The following MYO3B variants were observed in gnomAD, a reference collection of about 807,000 sequenced individuals.
MYO3B encodes the protein myosin-IIIb.
Under a neutral mutation model 174.6 loss-of-function variants are expected in MYO3B, and 156 were observed. The ratio of observed to expected loss-of-function variants is 0.89; its 90% CI spans 0.78 to 1.02. The LOEUF (loss-of-function observed/expected upper bound fraction) is 1.02, where lower values mean the gene tolerates loss of function less well. Ranked by LOEUF, MYO3B falls within the 50% of genes least tolerant of loss-of-function variation. The probability of loss-of-function intolerance (pLI) is 0.00; values close to 1 mark genes in which losing one functional copy is unlikely to be tolerated. For synonymous variants in MYO3B, 563 were observed against 569.1 expected (o/e 0.99, Z 0.15); for missense variants, 1,632 against 1,639.4 (o/e 1.00, Z 0.08).
In MYO3B at chr2:170,245,773, A is replaced by G. The variant is rs1574647881; in HGVS notation, c.749+9637A>G. Among the ~76,000 whole-genome samples the G allele has an allele frequency of 2.6e-5, 4 of 152,362 alleles. 1 individual carries two copies. Among genetic ancestry groups the G allele is most frequent in the Admixed American group, 2.6e-4 (4 of 15,306 alleles). ...CTGCAGGGCTGGGGCCACTCACTGCAGCAGCAAGTCTCACCCAGGACAGGG... is the reference window on the plus strand; with the variant it reads ...CTGCAGGGCTGGGGCCACTCACTGCGGCAGCAAGTCTCACCCAGGACAGGG... On this transcript the variant is annotated intron_variant, in intron 7 of 34. Coordinates refer to ENST00000408978, the MANE Select transcript of MYO3B (RefSeq NM_138995.5).
At chr2:170,291,713 G>GGTTT (rs111289815) in intron 7 of MYO3B, among the ~76,000 whole-genome samples, 1 of 150,056 alleles carries the variant, frequency 6.7e-6, no homozygotes, top group African/African-American at 2.4e-5. Flanking sequence ...TGGATGACAG[G>GGTTT]TTTTTTTTAT....
intron 22 of MYO3B, among the ~76,000 whole-genome samples, chr2:170,424,008 G>A (rs1399633152): frequency 3.3e-5 from 5 of 152,194 alleles, no homozygotes; most frequent in Admixed American, 2.0e-4. Flanking sequence ...GTGTTAAGAG[G>A]TGTGAGCTGA....
chr2:170,188,902 T>A (rs1051902945), intron 1 of MYO3B, among the ~76,000 whole-genome samples: 13 of 152,194 alleles, frequency 8.5e-5, no homozygotes, highest in African/African-American at 3.1e-4. Context: ...ATTAGTGTTA[T>A]AATATTCTGT....
chr2:170,252,174 AC>A (rs1312009375), intron 7 of MYO3B, among the ~76,000 whole-genome samples: 1 of 152,080 alleles, frequency 6.6e-6, no homozygotes, highest in East Asian at 1.9e-4. Flanking sequence ...TGCTGGCTCC[AC>A]CCTTCACCCC....
In MYO3B at chr2:170,535,223, C is replaced by T. The variant is rs551883975; in HGVS notation, c.3576-7683C>T. On this transcript the variant is annotated intron_variant, in intron 30 of 34. Transcript: ENST00000408978. Reference sequence around the variant, plus strand: ...AGTAGGAGACAAATTTAAAGGTGCTCGGTAAAGACTTGGGAGCCGAATGAC... The same window carrying T: ...AGTAGGAGACAAATTTAAAGGTGCTTGGTAAAGACTTGGGAGCCGAATGAC... Among the ~76,000 whole-genome samples the T allele has an allele frequency of 1.3e-4, 20 of 152,256 alleles. No individual in the cohort carries two copies. In the South Asian group the frequency reaches 2.5e-3, roughly 19 times the overall value.
At chr2:170,389,986 A>G (rs1410670321) in intron 14 of MYO3B, among the ~76,000 whole-genome samples, 3 of 149,978 alleles carry the variant, frequency 2.0e-5, no homozygotes, top group African/African-American at 4.9e-5. Context: ...CTCAGAGAAC[A>G]TGAATCCCTT....
intron 23 of MYO3B, among the ~76,000 whole-genome samples, chr2:170,455,759 G>A (rs553276662): frequency 3.8e-4 from 58 of 152,260 alleles, no homozygotes; most frequent in African/African-American, 1.2e-3. Flanking sequence ...AAACTTACTC[G>A]TGACTACTCT....
At chr2:170,434,698 A>G (rs1354387014) in intron 22 of MYO3B, among the ~76,000 whole-genome samples, 1 of 152,236 alleles carries the variant, frequency 6.6e-6, no homozygotes, top group East Asian at 1.9e-4. Context: ...TAAGTTTAGA[A>G]GGCAAAGAAT....
At chr2:170,388,445 G>A (rs748726408) in intron 14 of MYO3B, among the ~76,000 whole-genome samples, 2 of 152,144 alleles carry the variant, frequency 1.3e-5, no homozygotes, top group Non-Finnish European at 1.5e-5. Context: ...GTTAGGCAAC[G>A]AGGTGGGGAC....
chr2:170,653,620 ATTG>A lies in MYO3B; in HGVS notation c.*500_*502del. ...CCACCTCCCCCAGAGTCAGGGCTCC[ATTG>A]CTGAGTGCCCCATCCTGGAGGATTG... On this transcript the variant is annotated 3_prime_UTR_variant, in exon 35 of 35. Coordinates refer to ENST00000408978, the MANE Select transcript of MYO3B (RefSeq NM_138995.5). The A allele has an allele frequency of 1.3e-5, 2 of 156,624 alleles. No homozygotes were observed. The highest frequency in any genetic ancestry group is 2.0e-4 in the South Asian group (1 of 5,128). The allele number at this position is 156,624 out of a possible 1,614,324, so 9.7% of individuals were successfully genotyped here.
At chr2:170,265,228 C>G (rs538209657) in intron 7 of MYO3B, among the ~76,000 whole-genome samples, 173 of 152,256 alleles carry the variant, frequency 1.1e-3, no homozygotes, top group Non-Finnish European at 2.1e-3. Context: ...TGTAGCTCCT[C>G]TAGATTTTTA....
intron 30 of MYO3B, among the ~76,000 whole-genome samples, chr2:170,530,390 A>G (rs1341450275): frequency 1.3e-5 from 2 of 152,206 alleles, no homozygotes; most frequent in African/African-American, 4.8e-5. Context: ...TTGTGTCAAC[A>G]AGAACAGCCA....
At chr2:170,396,543 T>G (rs1431499537) in intron 16 of MYO3B, among the ~76,000 whole-genome samples, 1 of 152,152 alleles carries the variant, frequency 6.6e-6, no homozygotes, top group Non-Finnish European at 1.5e-5. Context: ...CGCTGTTAGT[T>G]CTCACTAAAT....
At chr2:170,477,044 G>A (rs1021575827) in intron 25 of MYO3B, among the ~76,000 whole-genome samples, 1 of 152,048 alleles carries the variant, frequency 6.6e-6, no homozygotes, top group Admixed American at 6.6e-5. Context: ...AGACTTTTGG[G>A]GGTAGGTTTG....
intron 23 of MYO3B, among the ~76,000 whole-genome samples, chr2:170,453,730 G>C (rs1683749441): frequency 2.0e-5 from 3 of 152,142 alleles, no homozygotes; most frequent in Non-Finnish European, 4.4e-5. Flanking sequence ...GTCTGCATGA[G>C]GAACTGAATT....
chr2:170,651,819 C>CTGGGG, intron 33 of MYO3B, 85 bp downstream of exon 33: 3 of 1,081,958 alleles, frequency 2.8e-6, no homozygotes, highest in Non-Finnish European at 2.8e-6. Context: ...CCAGCCCCTG[C>CTGGGG]AGCCCCACCC....
chr2:170,569,861 G>GAA (rs34549360), intron 32 of MYO3B, among the ~76,000 whole-genome samples: 20 of 91,460 alleles, frequency 2.2e-4, no homozygotes, highest in East Asian at 2.9e-4. Flanking sequence ...GCTCTATCTC[G>GAA]AAAAAAAAAA....
At chr2:170,400,400 T>C in intron 17 of MYO3B, 86 bp downstream of exon 17, 1 of 1,272,146 alleles carries the variant, frequency 7.9e-7, no homozygotes, top group Non-Finnish European at 1.0e-6. Context: ...CATTTGCTGG[T>C]CCTTTTTTTT....
intron 9 of MYO3B, among the ~76,000 whole-genome samples, chr2:170,379,173 A>T (rs1423334320): frequency 6.7e-6 from 1 of 149,462 alleles, no homozygotes; most frequent in African/African-American, 2.5e-5. Flanking sequence ...TAATTTAATT[A>T]TTTCATGAAA....
Sources: gnomAD v4.1 joint callset for allele counts (sites outside exome capture counted in the v4.1 genomes callset) on GRCh38, gnomAD v4.1.1 for gene constraint, MANE v1.5 for transcripts, NCBI Gene and HGNC (gene_info 2026-07-23, HGNC 2026-07-21) for gene names.